The following SMYD4 variants were observed in gnomAD, a reference collection of about 807,000 sequenced individuals.
SMYD4 encodes the protein protein-lysine N-methyltransferase SMYD4.
In SMYD4, 68 loss-of-function variants were observed where a neutral mutation model predicts 72.8. That is an observed-to-expected ratio of 0.93 (90% CI 0.77 to 1.14). The LOEUF is 1.14. Ranked by LOEUF, SMYD4 falls within the 50% of genes most tolerant of loss-of-function variation. The pLI is 0.00. For missense variants in SMYD4, 984 were observed against 1,003.7 expected (o/e 0.98, Z 0.27); for synonymous variants, 407 against 388.6 (o/e 1.05, Z -0.56).
intron 6 of SMYD4, 40 bp downstream of exon 6, chr17:1,787,382 T>A: frequency 6.5e-7 from 1 of 1,548,552 alleles, no homozygotes. Context: ...TCCTTTTCTG[T>A]TGGAGAAGGG....
chr17:1,787,722 C>T lies in SMYD4; in HGVS notation c.1538-118G>A, dbSNP rs977309586. ...CCTGCAGCCCGTGTGAGTCATGGCT[C>T]CACAGCCAGATCCAATATAAATCAG... On this transcript the variant is annotated intron_variant, in intron 5 of 10. Coordinates refer to ENST00000305513, the MANE Select transcript of SMYD4 (RefSeq NM_052928.3). 67 of 1,016,224 alleles carry T rather than the reference C, an allele frequency of 6.6e-5. No individual in the cohort carries two copies. The South Asian group carries it at 1.1e-3, about 17-fold the overall frequency. The allele number at this position is 1,016,224 out of a possible 1,614,324, so 63.0% of individuals were successfully genotyped here. A position where few individuals can be genotyped will look rare whatever the true frequency, so the allele number is the denominator to read the frequency against.
intron 1 of SMYD4, among the ~76,000 whole-genome samples, chr17:1,828,597 CTCT>C (rs1212063177): frequency 5.3e-4 from 43 of 80,856 alleles, no homozygotes; most frequent in African/African-American, 1.3e-3. Context: ...CTCTTAGATC[CTCT>C]TTTTTTTTTT....
intron 5 of SMYD4, among the ~76,000 whole-genome samples, chr17:1,795,427 CT>C (rs1567771886): frequency 4.0e-4 from 22 of 54,932 alleles, no homozygotes; most frequent in Non-Finnish European, 1.1e-3. Flanking sequence ...ATCTATCTAT[CT>C]ATCTATCTAT....
At chr17:1,817,476 G>A (rs539115876) in intron 2 of SMYD4, among the ~76,000 whole-genome samples, 277 of 152,020 alleles carry the variant, frequency 1.8e-3, no homozygotes, top group African/African-American at 6.5e-3. Flanking sequence ...TGAGTAGCTG[G>A]GGCTCCAGGC....
chr17:1,795,544 G>C (rs1597375578), intron 5 of SMYD4, among the ~76,000 whole-genome samples: 1 of 152,124 alleles, frequency 6.6e-6, no homozygotes, highest in African/African-American at 2.4e-5. Flanking sequence ...CCAAGTTCAA[G>C]CAATTCTCAT....
rs779000464 is a variant in SMYD4, at chr17:1,786,904, C to T, written c.1790G>A (p.Cys597Tyr). ...QKLRSQYFFD[C>Y]ACPACQTEAH... ...CTCAGTTTGACAAGCTGGACAGGCG[C>T]AGTCAAAGAAATACTGAGACCTCAG... is the stretch of plus-strand genomic sequence containing the variant. Residue 597 changes from cysteine to tyrosine, a missense_variant, in exon 7 of 11, where the codon TGC becomes TAC. Physicochemically the swap from Cys to Tyr is radical, Grantham distance 194. Coordinates refer to ENST00000305513, the MANE Select transcript of SMYD4 (RefSeq NM_052928.3). 2 of 1,614,194 alleles carry T rather than the reference C, an allele frequency of 1.2e-6. No homozygotes were observed. Among genetic ancestry groups the T allele is most frequent in the Non-Finnish European group, 1.7e-6 (2 of 1,180,034 alleles).
chr17:1,787,112 G>T (rs1908736935), intron 6 of SMYD4, 139 bp from the exon 7 acceptor site: 2 of 1,161,388 alleles, frequency 1.7e-6, no homozygotes, highest in Non-Finnish European at 2.4e-6. Context: ...TGTGGAACTG[G>T]ATACTAAAAT....
At chr17:1,828,968 T>C (rs80181552) in intron 1 of SMYD4, among the ~76,000 whole-genome samples, 239 of 102,298 alleles carry the variant, frequency 2.3e-3, no homozygotes, top group Middle Eastern at 9.9e-3. Context: ...ACTATTCATT[T>C]AACAAGGTAT....
chr17:1,815,794 G>A (rs1197591417), intron 2 of SMYD4, among the ~76,000 whole-genome samples: 5 of 151,814 alleles, frequency 3.3e-5, no homozygotes, highest in Non-Finnish European at 7.4e-5. Context: ...CCGCCTCCCG[G>A]GTTCAAGCGA....
chr17:1,790,337 T>G (rs1485583645), intron 5 of SMYD4, among the ~76,000 whole-genome samples: 12 of 152,200 alleles, frequency 7.9e-5, no homozygotes. Context: ...AAAAATTAAG[T>G]ATTGATTTTT....
At chr17:1,793,806 G>T (rs561404074) in intron 5 of SMYD4, among the ~76,000 whole-genome samples, 1 of 151,036 alleles carries the variant, frequency 6.6e-6, no homozygotes, top group Admixed American at 6.6e-5. Flanking sequence ...CAGGAGATTA[G>T]GTCTTCTGCC....
chr17:1,783,106 C>G lies in SMYD4; in HGVS notation c.2190G>C (p.Glu730Asp), dbSNP rs1193037570. 6.2e-7 allele frequency: 1 copy of G among 1,614,210 alleles called. No individual in the cohort carries two copies. Among genetic ancestry groups the G allele is most frequent in the Admixed American group, 1.7e-5 (1 of 60,012 alleles). Residue 730 changes from glutamate (E) to aspartate (D), a missense_variant, in exon 10 of 11, where the codon GAG (glutamate) becomes GAC (aspartate). By Grantham distance (45) the Glu-to-Asp change is conservative. Coordinates refer to ENST00000305513, the MANE Select transcript of SMYD4 (RefSeq NM_052928.3). The stretch of plus-strand genomic sequence containing the variant: ...CAACACTGGACGGCCCGTGGCGAAC[C>G]TCCACCACGTAGAGACTCCTCTGTA... ...THLQRSLYVV[E>D]VRHGPSSVEM...
At chr17:1,783,236 G>C in intron 9 of SMYD4, 78 bp from the exon 10 acceptor site, 1 of 1,612,114 alleles carries the variant, frequency 6.2e-7, no homozygotes, top group Non-Finnish European at 8.5e-7. Context: ...GGAGGAAATG[G>C]AACGAGAGGG....
chr17:1,789,150 G>C (rs1270203192), intron 5 of SMYD4, among the ~76,000 whole-genome samples: 1 of 152,218 alleles, frequency 6.6e-6, no homozygotes, highest in African/African-American at 2.4e-5. Flanking sequence ...CACTTTGGGA[G>C]GCCGAGGCGG....
At chr17:1,824,607 T>C (rs1911065054) in intron 2 of SMYD4, among the ~76,000 whole-genome samples, 1 of 151,200 alleles carries the variant, frequency 6.6e-6, no homozygotes, top group African/African-American at 2.4e-5. Context: ...GAAATCTGAT[T>C]ATTTTATTTA....
chr17:1,818,005 C>T (rs111413177), intron 2 of SMYD4, among the ~76,000 whole-genome samples: 6,290 of 145,738 alleles, frequency 0.043, 478 homozygotes, highest in African/African-American at 0.15. Context: ...CGAGATCGTG[C>T]CACTGCACTC....
chr17:1,818,046 CAAAA>C (rs540448588), intron 2 of SMYD4, among the ~76,000 whole-genome samples: 9 of 103,264 alleles, frequency 8.7e-5, no homozygotes, highest in African/African-American at 2.6e-4. Context: ...GACTCTGTCT[CAAAA>C]AAAAAAAAAA....
At position 1,787,430 on chromosome 17, in the gene SMYD4, T is replaced by G; in HGVS notation, c.1712A>C (p.His571Pro). ...GCGGAGGGATGGCTCACCATAGCAG[T>G]GGAGAATCTCTTGCCCCTTTCTAAT... is the stretch of plus-strand genomic sequence containing the variant. ...QRIRKGQEILHCYGPHKSRMG... is the reference protein window; with the variant it reads ...QRIRKGQEILPCYGPHKSRMG... The change falls in exon 6 of 11, where the codon CAC becomes CCC. Residue 571 changes from histidine (H) to proline (P), a missense_variant. By Grantham distance (77) the His-to-Pro change is moderately conservative. Coordinates refer to ENST00000305513, the MANE Select transcript of SMYD4 (RefSeq NM_052928.3). 6.4e-7 allele frequency: 1 copy of G among 1,556,428 alleles called. No individual in the cohort carries two copies.
chr17:1,819,944 C>T (rs998054833), intron 2 of SMYD4, among the ~76,000 whole-genome samples: 1 of 152,008 alleles, frequency 6.6e-6, no homozygotes, highest in East Asian at 1.9e-4. Context: ...CCTGACACCA[C>T]GCCCAGCTAA....
Sources: gnomAD v4.1 joint callset for allele counts (sites outside exome capture counted in the v4.1 genomes callset) on GRCh38, gnomAD v4.1.1 for gene constraint, MANE v1.5 for transcripts, NCBI Gene and HGNC (gene_info 2026-07-23, HGNC 2026-07-21) for gene names.